DHRSX: variants seen among roughly 807,000 people sequenced by gnomAD.
The protein encoded by DHRSX is dehydrogenase/reductase X-linked.
Under a neutral mutation model 34.0 loss-of-function variants are expected in DHRSX, and 31 were observed. The observed-to-expected ratio is 0.91, with a 90% confidence interval of 0.69 to 1.23. DHRSX has a LOEUF of 1.23. Among genes scored for constraint, DHRSX ranks in the 50% most tolerant of loss-of-function variants. The pLI is 0.00. For missense variants in DHRSX, 414 were observed against 428.1 expected, an observed-to-expected ratio of 0.97 and a Z score of 0.29; for synonymous variants, 201 against 183.8, an observed-to-expected ratio of 1.09 and a Z score of -0.76.
At chrX:2,438,982 T>TA (rs1475117535) in intron 1 of DHRSX, among the ~76,000 whole-genome samples, 1 of 151,616 alleles carries the variant, frequency 6.6e-6, no homozygotes, top group African/African-American at 2.4e-5. Flanking sequence ...CTGTCTCTAC[T>TA]AAAAACACAA....
chrX:2,490,617 C>T (rs1170638506), intron 1 of DHRSX: 1 of 1,613,946 alleles, frequency 6.2e-7, no homozygotes, highest in Non-Finnish European at 8.5e-7. Context: ...CATCCCTCGG[C>T]GTTGGTGTCG....
At chrX:2,347,410 G>A (rs772392110) in intron 3 of DHRSX, among the ~76,000 whole-genome samples, 3 of 152,272 alleles carry the variant, frequency 2.0e-5, no homozygotes, top group Admixed American at 6.5e-5. Context: ...GATGAGATTT[G>A]GGGCCGGGCG....
chrX:2,414,006 C>A (rs2043663029), intron 2 of DHRSX, among the ~76,000 whole-genome samples: 2 of 151,780 alleles, frequency 1.3e-5, no homozygotes, highest in Non-Finnish European at 2.9e-5. Context: ...ACCAACGACA[C>A]TAGACCTCAT....
intron 3 of DHRSX, among the ~76,000 whole-genome samples, chrX:2,294,117 G>A (rs1171423034): frequency 6.6e-6 from 1 of 151,790 alleles, no homozygotes; most frequent in Admixed American, 6.6e-5. Context: ...AAAAAAGGAG[G>A]GGGAGGAAAA....
chrX:2,445,954 A>G (rs985493715), intron 1 of DHRSX, among the ~76,000 whole-genome samples: 1 of 151,406 alleles, frequency 6.6e-6, no homozygotes, highest in African/African-American at 2.4e-5. Context: ...CACATTTCCT[A>G]AGAATGTGGT....
chrX:2,333,178 T>C, intron 3 of DHRSX, among the ~76,000 whole-genome samples: 1 of 152,184 alleles, frequency 6.6e-6, no homozygotes, highest in East Asian at 1.9e-4. Flanking sequence ...TTGAAAAGTG[T>C]GATGCATTTT....
intron 3 of DHRSX, among the ~76,000 whole-genome samples, chrX:2,294,819 G>A (rs1324194463): frequency 2.0e-5 from 3 of 150,628 alleles, no homozygotes; most frequent in Non-Finnish European, 4.4e-5. Flanking sequence ...AAAAAGAGAG[G>A]GAGAGAGAGA....
chrX:2,464,991 G>A (rs2044470085), intron 1 of DHRSX, among the ~76,000 whole-genome samples: 1 of 151,100 alleles, frequency 6.6e-6, no homozygotes, highest in African/African-American at 2.4e-5. Flanking sequence ...AGGGACCCCC[G>A]CCATGTACAC....
chrX:2,255,692 T>C (rs1360493444), intron 5 of DHRSX, among the ~76,000 whole-genome samples: 1 of 151,714 alleles, frequency 6.6e-6, no homozygotes, highest in Non-Finnish European at 1.5e-5. Flanking sequence ...GGGCAGATCA[T>C]TCGAGGTCAG....
At chrX:2,432,959 C>CA (rs951277546) in intron 1 of DHRSX, among the ~76,000 whole-genome samples, 1 of 151,934 alleles carries the variant, frequency 6.6e-6, no homozygotes, top group African/African-American at 2.4e-5. Context: ...CTCATCTCTA[C>CA]AAAAAATTTA....
At chrX:2,322,033 C>G (rs1682025480) in intron 3 of DHRSX, among the ~76,000 whole-genome samples, 1 of 151,968 alleles carries the variant, frequency 6.6e-6, no homozygotes, top group African/African-American at 2.4e-5. Context: ...TACCTAAGTT[C>G]TTTAGTGGTG....
intron 5 of DHRSX, among the ~76,000 whole-genome samples, chrX:2,249,442 C>T (rs1342818347): frequency 2.0e-5 from 3 of 149,772 alleles, no homozygotes; most frequent in Admixed American, 6.7e-5. Flanking sequence ...TCGTGATCTG[C>T]CCACCTCGGC....
rs925625785 is a variant in DHRSX at position 2,429,852 on chromosome X, A to G, written c.110-4548T>C. ...CAAAATATACTTTGCAGATGATATGATGGTATGCCAGGAAAAAACTAACAA... is the reference window on the plus strand; with the variant it reads ...CAAAATATACTTTGCAGATGATATGGTGGTATGCCAGGAAAAAACTAACAA... On this transcript the variant is annotated intron_variant, in intron 1 of 6. Transcript: ENST00000334651. Among the ~76,000 whole-genome samples the G allele has an allele frequency of 9.0e-5, 13 of 144,848 alleles. 1 individual carries two copies. Among genetic ancestry groups the G allele is most frequent in the Admixed American group, 8.0e-4 (12 of 15,076 alleles).
intron 3 of DHRSX, among the ~76,000 whole-genome samples, chrX:2,382,130 C>G (rs1013991002): frequency 6.6e-6 from 1 of 152,146 alleles, no homozygotes; most frequent in African/African-American, 2.4e-5. Context: ...AATGCAACAC[C>G]TACTCTCTGG....
chrX:2,471,806 C>A (rs1479021519), intron 1 of DHRSX, among the ~76,000 whole-genome samples: 1 of 152,034 alleles, frequency 6.6e-6, no homozygotes, highest in Non-Finnish European at 1.5e-5. Context: ...ACTGGATAAA[C>A]AAAGGGTGGT....
At chrX:2,433,733 C>G (rs1398721056) in intron 1 of DHRSX, among the ~76,000 whole-genome samples, 2 of 152,120 alleles carry the variant, frequency 1.3e-5, no homozygotes, top group Non-Finnish European at 2.9e-5. Flanking sequence ...AGGACATGAA[C>G]TCATCCTTTT....
chrX:2,312,509 G>A lies in DHRSX; in HGVS notation c.287-20906C>T, dbSNP rs192514705. 3.6e-4 allele frequency among the ~76,000 whole-genome samples: 54 copies of A among 152,106 alleles called. 2 individuals are homozygous for A. In the East Asian group the frequency reaches 0.01, roughly 30 times the overall value. ...AAACACTGCATGTTTTCACTCATAA[G>A]GGGGAGTTGAACAATGAGAACACAT... On this transcript the variant is annotated intron_variant, in intron 3 of 6. Coordinates refer to ENST00000334651, the MANE Select transcript of DHRSX (RefSeq NM_145177.3).
chrX:2,404,811 C>A lies in DHRSX; in HGVS notation c.286+3934G>T, dbSNP rs140387704. Among the ~76,000 whole-genome samples the A allele has an allele frequency of 7.8e-3, 1,189 of 152,250 alleles. 10 individuals are homozygous for A. Among genetic ancestry groups the A allele is most frequent in the Non-Finnish European group, 0.012 (842 of 68,022 alleles). On this transcript the variant is annotated intron_variant, in intron 3 of 6. Coordinates refer to ENST00000334651, the MANE Select transcript of DHRSX (RefSeq NM_145177.3). ...CTCGGTCCTTTAAATGTTAATCCGA[C>A]GGGGTCGGTACAAATAAATAATTAA...
rs185424028 is a variant in DHRSX, at chrX:2,269,990, G to A, written c.389-3043C>T. On this transcript the variant is annotated intron_variant, in intron 4 of 6. Transcript: ENST00000334651. ...GCTTGTGTTTGTGTGTATCTTATAT[G>A]GAGCTATCTATACATATATGTAGGT... Among the ~76,000 whole-genome samples the A allele has an allele frequency of 1.6e-3, 245 of 152,080 alleles. 1 individual carries two copies. Among genetic ancestry groups the A allele is most frequent in the African/African-American group, 5.6e-3 (233 of 41,486 alleles).
Sources: allele counts gnomAD v4.1 joint callset (sites outside exome capture counted in the v4.1 genomes callset), GRCh38; gene constraint gnomAD v4.1.1; transcripts MANE v1.5; gene names NCBI Gene and HGNC (gene_info 2026-07-23, HGNC 2026-07-21).